FHOD3: variants seen among roughly 807,000 people sequenced by gnomAD.
FHOD3 encodes the protein FH1/FH2 domain-containing protein 3.
In FHOD3, 90 loss-of-function variants were observed where a neutral mutation model predicts 173.0. The ratio of observed to expected loss-of-function variants is 0.52; its 90% CI spans 0.44 to 0.62. FHOD3 has a LOEUF of 0.62. Ranked by LOEUF, FHOD3 falls within the 20% of genes least tolerant of loss-of-function variation. The pLI, the probability that FHOD3 is intolerant of heterozygous loss-of-function variation, is 0.00. For missense variants in FHOD3, 1,945 were observed against 2,034.7 expected, an observed-to-expected ratio of 0.96 and a Z score of 0.85; for synonymous variants, 828 against 823.0, an observed-to-expected ratio of 1.01 and a Z score of -0.10.
chr18:36,477,962 G>A (rs1369448233), intron 3 of FHOD3, among the ~76,000 whole-genome samples: 2 of 152,226 alleles, frequency 1.3e-5, no homozygotes, highest in Non-Finnish European at 2.9e-5. Context: ...TGCACTCCAT[G>A]CCTCTCAACA....
chr18:36,582,051 C>T lies in FHOD3; in HGVS notation c.606+5506C>T, dbSNP rs954575251. Among the ~76,000 whole-genome samples, 17 of 152,342 alleles carry T rather than the reference C, an allele frequency of 1.1e-4. No homozygotes were observed. In the East Asian group the frequency reaches 3.3e-3, roughly 29 times the overall value. On this transcript the variant is annotated intron_variant, in intron 6 of 28. Transcript: ENST00000590592. ...TCAAAGGTTGGGGGTCACAGTTTGA[C>T]TCTGCAGCTAGAAATATGGCAGTGC...
At chr18:36,356,090 T>G (rs1376705142) in intron 2 of FHOD3, among the ~76,000 whole-genome samples, 1 of 152,218 alleles carries the variant, frequency 6.6e-6, no homozygotes, top group Non-Finnish European at 1.5e-5. Context: ...GGGCAAGACC[T>G]TGTCTCTAAA....
At chr18:36,655,431 G>A (rs1175069541) in intron 13 of FHOD3, among the ~76,000 whole-genome samples, 3 of 152,102 alleles carry the variant, frequency 2.0e-5, no homozygotes, top group Admixed American at 6.5e-5. Context: ...TAGTCGTGGG[G>A]GTGGGAGCAA....
At chr18:36,675,930 C>G (rs550519999) in intron 14 of FHOD3, among the ~76,000 whole-genome samples, 44 of 152,212 alleles carry the variant, frequency 2.9e-4, no homozygotes, top group African/African-American at 9.9e-4. Context: ...AGAACTGGAT[C>G]TAACTATTGA....
intron 27 of FHOD3, among the ~76,000 whole-genome samples, chr18:36,769,034 G>A (rs542122490): frequency 1.4e-4 from 22 of 152,268 alleles, no homozygotes; most frequent in South Asian, 2.1e-4. Flanking sequence ...TAAGTGCCCC[G>A]CGTATGGGTT....
At chr18:36,338,907 A>G (rs1285108829) in intron 1 of FHOD3, among the ~76,000 whole-genome samples, 3 of 152,070 alleles carry the variant, frequency 2.0e-5, no homozygotes, top group Non-Finnish European at 4.4e-5. Context: ...GATAAATGTG[A>G]CAAAGTAGGA....
chr18:36,634,720 T>C (rs1210330343), intron 10 of FHOD3, among the ~76,000 whole-genome samples: 1 of 152,198 alleles, frequency 6.6e-6, no homozygotes, highest in Non-Finnish European at 1.5e-5. Flanking sequence ...TGATGGTACC[T>C]GTACTCCTTA....
chr18:36,769,072 C>T lies in FHOD3; in HGVS notation c.4625-193C>T, dbSNP rs11875733. ...CTCAGAGCCTGCAGGGTAGCAGTCA[C>T]GAGTTATGGTGGTGCTCCCTGCAGT... is the stretch of plus-strand genomic sequence containing the variant. On this transcript the variant is annotated intron_variant, in intron 27 of 28. Transcript: ENST00000590592. Among the ~76,000 whole-genome samples, 6,043 of 152,236 alleles carry T rather than the reference C, an allele frequency of 0.04. 398 individuals are homozygous for T. Among genetic ancestry groups the T allele is most frequent in the African/African-American group, 0.14 (5,715 of 41,518 alleles).
chr18:36,347,241 T>C (rs1251132672), intron 1 of FHOD3, among the ~76,000 whole-genome samples: 1 of 152,242 alleles, frequency 6.6e-6, no homozygotes, highest in African/African-American at 2.4e-5. Context: ...AAAAAATATA[T>C]TCCAGCTTTT....
intron 5 of FHOD3, among the ~76,000 whole-genome samples, chr18:36,572,025 C>T (rs1256283488): frequency 3.3e-5 from 5 of 152,174 alleles, no homozygotes; most frequent in African/African-American, 9.7e-5. Flanking sequence ...AGTTGTTCAG[C>T]GTGTGCTTCT....
intron 19 of FHOD3, among the ~76,000 whole-genome samples, chr18:36,720,774 C>G (rs61397451): frequency 2.0e-3 from 76 of 37,844 alleles, no homozygotes; most frequent in South Asian, 5.0e-3. Flanking sequence ...TTCTCCTCCT[C>G]CTCCTCTTCC....
chr18:36,578,805 C>T lies in FHOD3; in HGVS notation c.606+2260C>T, dbSNP rs76382317. ...TTTCTCTGTGGCTGGCACTGGCATG[C>T]GAATCCCCATGGGGTCCCATATCCG... On this transcript the variant is annotated intron_variant, in intron 6 of 28. Coordinates refer to ENST00000590592, the MANE Select transcript of FHOD3 (RefSeq NM_001281740.3). Among the ~76,000 whole-genome samples the T allele has an allele frequency of 5.4e-3, 818 of 152,246 alleles. 7 individuals carry two copies. The highest frequency in any genetic ancestry group is 0.046 in the East Asian group (238 of 5,176).
Position 36,699,279 on chromosome 18 carries a change from GC to G in FHOD3, c.2236+5857del, listed in dbSNP as rs562410890. ...AAATTCAAGTTTTGAACAGCAATTAGCTTGTTCTTATTTAACAAAAAAGAAA... is the reference window on the plus strand; with the variant it reads ...AAATTCAAGTTTTGAACAGCAATTAGTTGTTCTTATTTAACAAAAAAGAAA... On this transcript the variant is annotated intron_variant, in intron 17 of 28. Transcript: ENST00000590592. Among the ~76,000 whole-genome samples, 874 of 152,346 alleles carry G rather than the reference GC, an allele frequency of 5.7e-3. 4 individuals are homozygous for G. The highest frequency in any genetic ancestry group is 7.5e-3 in the Non-Finnish European group (508 of 68,028).
At chr18:36,658,016 C>G (rs1048610265) in intron 13 of FHOD3, 59 bp from the exon 14 acceptor site, 2 of 1,264,362 alleles carry the variant, frequency 1.6e-6, no homozygotes, top group African/African-American at 3.0e-5. Context: ...GTCTTATTTA[C>G]TGACTTGTAC....
chr18:36,329,334 C>T (rs181209162), intron 1 of FHOD3, among the ~76,000 whole-genome samples: 97 of 152,258 alleles, frequency 6.4e-4, no homozygotes, highest in African/African-American at 2.2e-3. Context: ...CAAATTCTGC[C>T]GCTGAGCAAA....
chr18:36,339,939 AC>A (rs1394469974), intron 1 of FHOD3, among the ~76,000 whole-genome samples: 5 of 152,060 alleles, frequency 3.3e-5, no homozygotes, highest in South Asian at 2.1e-4. Flanking sequence ...CTATGCATAA[AC>A]CCTGTTCTTA....
At chr18:36,409,269 C>T (rs958802717) in intron 3 of FHOD3, among the ~76,000 whole-genome samples, 49 of 152,256 alleles carry the variant, frequency 3.2e-4, no homozygotes, top group African/African-American at 8.4e-4. Flanking sequence ...AGCATGCAGG[C>T]GTGATATCCA....
rs770618045 is a variant in FHOD3 at position 36,594,825 on chromosome 18, C to T, written c.645C>T (p.Leu215=). The change falls in exon 7 of 29, where the codon CTC becomes CTT. Residue 215 remains leucine, a synonymous_variant. Transcript: ENST00000590592. ...LVVKTALKLL[L]VFVEYSESNA... ...TGAAGACAGCCCTGAAGCTGCTGCT[C>T]GTCTTTGTAGAGTACTCGGAGTCCA... 7.4e-5 allele frequency: 120 copies of T among 1,613,756 alleles called. 1 individual carries two copies. Among genetic ancestry groups the T allele is most frequent in the South Asian group, 3.1e-4 (28 of 91,030 alleles).
chr18:36,465,767 G>A (rs1330163543), intron 3 of FHOD3, among the ~76,000 whole-genome samples: 2 of 152,136 alleles, frequency 1.3e-5, no homozygotes, highest in African/African-American at 2.4e-5. Context: ...GAGGCTGTGT[G>A]TGGGCGTGGT....
Sources: gnomAD v4.1 joint callset for allele counts (sites outside exome capture counted in the v4.1 genomes callset) on GRCh38, gnomAD v4.1.1 for gene constraint, MANE v1.5 for transcripts, NCBI Gene and HGNC (gene_info 2026-07-23, HGNC 2026-07-21) for gene names.